The following RABGAP1L variants were observed in gnomAD, a reference collection of about 807,000 sequenced individuals.
RABGAP1L encodes the protein RAB GTPase activating protein 1 like, also known as rab GTPase-activating protein 1-like.
A neutral mutation model predicts 137.7 loss-of-function variants in RABGAP1L; 63 were observed. The ratio of observed to expected loss-of-function variants is 0.46; its 90% confidence interval spans 0.37 to 0.56. The LOEUF (loss-of-function observed/expected upper bound fraction) is 0.56, where lower values mean the gene tolerates loss of function less well. Among genes scored for constraint, RABGAP1L ranks in the 20% least tolerant of loss-of-function variants. The pLI, the probability that RABGAP1L is intolerant of heterozygous loss-of-function variation, is 0.00. For synonymous variants in RABGAP1L, 431 were observed against 433.7 expected (o/e 0.99, Z 0.08); for missense variants, 1,095 against 1,244.0 (o/e 0.88, Z 1.80).
chr1:174,877,414 A>G, intron 19 of RABGAP1L: 1 of 1,579,004 alleles, frequency 6.3e-7, no homozygotes, highest in Non-Finnish European at 8.6e-7. Flanking sequence ...ACTGGCACTG[A>G]GCTGCAGTAG....
At chr1:174,411,338 T>C (rs1311305075) in intron 13 of RABGAP1L, among the ~76,000 whole-genome samples, 1 of 152,172 alleles carries the variant, frequency 6.6e-6, no homozygotes, top group African/African-American at 2.4e-5. Context: ...TTTCAGTTTT[T>C]ACCTGTTCAG....
At position 174,619,664 on chromosome 1, in the gene RABGAP1L, A is replaced by G. The variant is rs28753158; in HGVS notation, c.1711-17711A>G. ...GCGCTAAACATGGAAAGGAACAAAC[A>G]GTACCAGCCACTGCAAAATCATGCC... On this transcript the variant is annotated intron_variant, in intron 13 of 25. Transcript: ENST00000681986. 1.3e-3 allele frequency among the ~76,000 whole-genome samples: 202 copies of G among 151,850 alleles called. 1 individual carries two copies. Among genetic ancestry groups the G allele is most frequent in the African/African-American group, 2.4e-3 (101 of 41,288 alleles).
At chr1:174,238,051 A>C (rs1252379372) in intron 4 of RABGAP1L, among the ~76,000 whole-genome samples, 1 of 151,752 alleles carries the variant, frequency 6.6e-6, no homozygotes, top group Non-Finnish European at 1.5e-5. Flanking sequence ...CCTTTCTTCC[A>C]GTTGATCGCA....
At chr1:174,535,777 A>G (rs953882841) in intron 13 of RABGAP1L, among the ~76,000 whole-genome samples, 1 of 152,214 alleles carries the variant, frequency 6.6e-6, no homozygotes, top group African/African-American at 2.4e-5. Flanking sequence ...ACAACAGGCT[A>G]TCAGCTTTCA....
chr1:174,615,948 T>C (rs1334874345), intron 13 of RABGAP1L, among the ~76,000 whole-genome samples: 1 of 152,238 alleles, frequency 6.6e-6, no homozygotes, highest in Non-Finnish European at 1.5e-5. Flanking sequence ...AGTATTCGGG[T>C]GGGAGTTACC....
chr1:174,550,885 TATATATATATAC>T (rs1170042569), intron 13 of RABGAP1L, among the ~76,000 whole-genome samples: 5 of 54,274 alleles, frequency 9.2e-5, no homozygotes, highest in African/African-American at 5.0e-4. Flanking sequence ...TATATATATA[TATATATATATAC>T]ACACACACAT....
At position 174,683,598 on chromosome 1, in the gene RABGAP1L, T is replaced by G; in HGVS notation, c.1899+2T>G. The G allele has an allele frequency of 6.3e-7, 1 of 1,596,214 alleles. No individual in the cohort carries two copies. The highest frequency in any genetic ancestry group is 8.6e-7 in the Non-Finnish European group (1 of 1,163,786). ...CTTGCTGCTGTATTACTGCTGCATG[T>G]AAGTAATGGTCCGTGTGATAAATAG... On this transcript the variant is annotated splice_donor_variant, in intron 15 of 25. Coordinates refer to ENST00000681986, the MANE Select transcript of RABGAP1L (RefSeq NM_001366446.1). LOFTEE classifies it high-confidence loss of function.
Position 174,969,405 on chromosome 1 carries a change from G to T in RABGAP1L, c.2544+18G>T, listed in dbSNP as rs990751878. 1.1e-5 allele frequency: 16 copies of T among 1,518,536 alleles called. No individual in the cohort carries two copies. The African/African-American group carries it at 1.7e-4, about 16-fold the overall frequency. The allele number at this position is 1,518,536 out of a possible 1,614,324, so 94.1% of individuals were successfully genotyped here. A position where few individuals can be genotyped will look rare whatever the true frequency, so the allele number is the denominator to read the frequency against. On this transcript the variant is annotated intron_variant, in intron 21 of 25. Transcript: ENST00000681986. ...TGGATCAGGTAATCCTTAGAAATGA[G>T]ACTGTGATGACTTCCTCAGGGCAAA...
intron 15 of RABGAP1L, among the ~76,000 whole-genome samples, chr1:174,684,821 A>G (rs1361778015): frequency 6.6e-6 from 1 of 152,022 alleles, no homozygotes; most frequent in African/African-American, 2.4e-5. Context: ...TACCACACAC[A>G]CAAAAGGTAT....
chr1:174,304,710 T>C (rs1325156248), intron 10 of RABGAP1L, among the ~76,000 whole-genome samples: 1 of 152,176 alleles, frequency 6.6e-6, no homozygotes, highest in Non-Finnish European at 1.5e-5. Context: ...GAACCTCTGG[T>C]GTCTCAGGTT....
At chr1:174,315,698 G>A (rs1473066023) in intron 11 of RABGAP1L, among the ~76,000 whole-genome samples, 1 of 150,784 alleles carries the variant, frequency 6.6e-6, no homozygotes, top group Non-Finnish European at 1.5e-5. Context: ...TTAGCCTTTG[G>A]GAGTTTGATT....
At chr1:174,825,623 C>G (rs1241378345) in intron 19 of RABGAP1L, among the ~76,000 whole-genome samples, 2 of 152,238 alleles carry the variant, frequency 1.3e-5, no homozygotes, top group African/African-American at 4.8e-5. Context: ...GTGGCTCACA[C>G]CTGTAATCCC....
intron 19 of RABGAP1L, among the ~76,000 whole-genome samples, chr1:174,854,491 G>A (rs560040300): frequency 3.9e-5 from 6 of 152,072 alleles, no homozygotes; most frequent in South Asian, 2.1e-4. Context: ...AGGGAATTAT[G>A]AGCAAGAATA....
At chr1:174,948,604 T>C (rs1667260828) in intron 19 of RABGAP1L, 1 of 151,956 alleles carries the variant, frequency 6.6e-6, no homozygotes, top group Non-Finnish European at 1.5e-5. Context: ...TTTACCTGAT[T>C]TGATTATGAC....
At chr1:174,226,339 T>C (rs191079462) in intron 3 of RABGAP1L, among the ~76,000 whole-genome samples, 74 of 152,256 alleles carry the variant, frequency 4.9e-4, no homozygotes, top group Admixed American at 1.5e-3. Flanking sequence ...AGTGGGCGGA[T>C]CACTTGAGCT....
intron 11 of RABGAP1L, among the ~76,000 whole-genome samples, chr1:174,337,676 C>T (rs957889757): frequency 6.6e-6 from 1 of 151,756 alleles, no homozygotes; most frequent in African/African-American, 2.4e-5. Flanking sequence ...GGGTACTGGC[C>T]CTAGAAATAG....
At position 174,384,100 on chromosome 1, in the gene RABGAP1L, A is replaced by T. The variant is rs189176850; in HGVS notation, c.1560-9895A>T. ...TGTATGGAATGCTACTGAGCAATTAAAAGAATGAACTGATATACATTACAA... is the reference window on the plus strand; with the variant it reads ...TGTATGGAATGCTACTGAGCAATTATAAGAATGAACTGATATACATTACAA... On this transcript the variant is annotated intron_variant, in intron 12 of 25. Coordinates refer to ENST00000681986, the MANE Select transcript of RABGAP1L (RefSeq NM_001366446.1). 3.3e-5 allele frequency among the ~76,000 whole-genome samples: 5 copies of T among 152,364 alleles called. No individual in the cohort carries two copies. The East Asian group carries it at 7.7e-4, about 23-fold the overall frequency.
chr1:174,753,072 A>C (rs1684464833), intron 18 of RABGAP1L, among the ~76,000 whole-genome samples: 2 of 152,172 alleles, frequency 1.3e-5, no homozygotes, highest in African/African-American at 4.8e-5. Context: ...ACTCAGACAG[A>C]TTTGCTTCTA....
At chr1:174,514,037 A>G (rs1662581500) in intron 13 of RABGAP1L, among the ~76,000 whole-genome samples, 1 of 152,126 alleles carries the variant, frequency 6.6e-6, no homozygotes, top group African/African-American at 2.4e-5. Context: ...TTTAAAGATG[A>G]AGGTTCAGCT....
Sources: gnomAD v4.1 joint callset for allele counts (sites outside exome capture counted in the v4.1 genomes callset) on GRCh38, gnomAD v4.1.1 for gene constraint, MANE v1.5 for transcripts, NCBI Gene and HGNC (gene_info 2026-07-23, HGNC 2026-07-21) for gene names.